Variants in KRT222 observed in about 807,000 individuals in gnomAD.
The protein encoded by KRT222 is keratin 222.
A neutral mutation model predicts 35.0 loss-of-function variants in KRT222; 23 were observed. The ratio of observed to expected loss-of-function variants is 0.66; its 90% CI spans 0.47 to 0.93. KRT222 has a LOEUF of 0.93. Among genes scored for constraint, KRT222 ranks in the 40% least tolerant of loss-of-function variants. The pLI, the probability that KRT222 is intolerant of heterozygous loss-of-function variation, is 0.00. For missense variants in KRT222, 339 were observed against 346.3 expected, an observed-to-expected ratio of 0.98 and a Z score of 0.17; for synonymous variants, 108 against 118.8, an observed-to-expected ratio of 0.91 and a Z score of 0.59.
chr17:40,656,226 A>G lies in KRT222; in HGVS notation c.*176T>C, dbSNP rs1006636749. On this transcript the variant is annotated 3_prime_UTR_variant, in exon 6 of 6. Coordinates refer to ENST00000394052, the MANE Select transcript of KRT222 (RefSeq NM_152349.3). ...TATATATATATATATGTCTATCTCC[A>G]TAATTAGATTCAGAGAAATGTCCTT... The G allele has an allele frequency of 7.1e-6, 4 of 561,458 alleles. No individual in the cohort carries two copies. Among genetic ancestry groups the G allele is most frequent in the African/African-American group, 1.9e-5 (1 of 53,456 alleles). The allele number at this position is 561,458 out of a possible 1,614,324, so 34.8% of individuals were successfully genotyped here. A position where few individuals can be genotyped will look rare whatever the true frequency, so the allele number is the denominator to read the frequency against.
Position 40,656,452 on chromosome 17 carries a change from T to G in KRT222, c.838A>C (p.Arg280=). The G allele has an allele frequency of 6.2e-7, 1 of 1,613,906 alleles. No individual in the cohort carries two copies. Among genetic ancestry groups the G allele is most frequent in the Non-Finnish European group, 8.5e-7 (1 of 1,179,852 alleles). The change falls in exon 6 of 6, where the codon AGA becomes CGA. Residue 280 remains arginine (R), a synonymous_variant. Transcript: ENST00000394052. ...LPDIEVRLIM[R]RSCSIPSIKP... is the part of the protein sequence containing the mutation. ...ATAGAGGGAATACTGCATGATCTTC[T>G]CATGATAAGCCTGACTTCTATATCT...
chr17:40,654,700 T>G lies in KRT222; in HGVS notation c.*1702A>C, dbSNP rs2037333091. Reference sequence around the variant, plus strand: ...TATATTGCTTTATTATGATCACTGTTGCTTAGTACAGTAACTTTAGTACAA... The same window carrying G: ...TATATTGCTTTATTATGATCACTGTGGCTTAGTACAGTAACTTTAGTACAA... On this transcript the variant is annotated 3_prime_UTR_variant, in exon 6 of 6. Coordinates refer to ENST00000394052, the MANE Select transcript of KRT222 (RefSeq NM_152349.3). 6.6e-6 allele frequency: 1 copy of G among 152,178 alleles called. No homozygotes were observed. The highest frequency in any genetic ancestry group is 6.5e-5 in the Admixed American group (1 of 15,274). The allele number at this position is 152,178 out of a possible 1,614,324, so 9.4% of individuals were successfully genotyped here.
intron 1 of KRT222, among the ~76,000 whole-genome samples, chr17:40,664,362 A>T (rs761366380): frequency 3.9e-5 from 6 of 152,178 alleles, no homozygotes; most frequent in Non-Finnish European, 5.9e-5. Flanking sequence ...TAAATATTAC[A>T]AGCTTTGTAA....
At chr17:40,659,340 T>A (rs1172890962) in intron 3 of KRT222, among the ~76,000 whole-genome samples, 1 of 151,618 alleles carries the variant, frequency 6.6e-6, no homozygotes, top group African/African-American at 2.4e-5. Context: ...ATTATTATTA[T>A]TGTTTTTTTC....
chr17:40,659,657 G>A (rs2037369096), intron 3 of KRT222, among the ~76,000 whole-genome samples: 1 of 151,718 alleles, frequency 6.6e-6, no homozygotes, highest in African/African-American at 2.4e-5. Context: ...CTCCTGAGCT[G>A]TAGTAATCCT....
At chr17:40,664,771 T>G (rs2037409738) in intron 1 of KRT222, among the ~76,000 whole-genome samples, 1 of 152,220 alleles carries the variant, frequency 6.6e-6, no homozygotes, top group African/African-American at 2.4e-5. Flanking sequence ...AACCTCACAA[T>G]TTATATAAAA....
In KRT222 at chr17:40,660,072, C is replaced by T; in HGVS notation, c.361G>A (p.Glu121Lys). The T allele has an allele frequency of 1.2e-6, 2 of 1,614,168 alleles. No individual in the cohort carries two copies. The highest frequency in any genetic ancestry group is 8.5e-7 in the Non-Finnish European group (1 of 1,180,044). ...VRRGIEKQLQ[E>K]HEMLLNTKMR... ...TTCGTGTTGAGAAGCATCTCGTGCT[C>T]TTGAAGCTGCTTTTCGATGCCGCGC... Residue 121 changes from glutamate (E) to lysine (K), a missense_variant, in exon 3 of 6, where the codon GAG (glutamate) becomes AAG (lysine). By Grantham distance (56) the Glu-to-Lys change is moderately conservative (BLOSUM62 1). Coordinates refer to ENST00000394052, the MANE Select transcript of KRT222 (RefSeq NM_152349.3).
Position 40,656,156 on chromosome 17 carries a change from G to A in KRT222, c.*246C>T. 1 of 364,254 alleles carries A rather than the reference G, an allele frequency of 2.7e-6. No homozygotes were observed. The highest frequency in any genetic ancestry group is 7.7e-5 in the South Asian group (1 of 13,004). The allele number at this position is 364,254 out of a possible 1,614,324, so 22.6% of individuals were successfully genotyped here. On this transcript the variant is annotated 3_prime_UTR_variant, in exon 6 of 6. Coordinates refer to ENST00000394052, the MANE Select transcript of KRT222 (RefSeq NM_152349.3). ...TTGGGAGAATATAAAGAAAGAGACT[G>A]TACTGGATTTGTGATTTTATTTTTA...
At chr17:40,664,966 C>CT in intron 1 of KRT222, 38 bp downstream of exon 1, 1 of 1,613,272 alleles carries the variant, frequency 6.2e-7, no homozygotes, top group Non-Finnish European at 8.5e-7. Context: ...GGACTGTCTC[C>CT]TTATTCTGGA....
chr17:40,662,088 GA>G (rs749744358), intron 1 of KRT222, 44 bp from the exon 2 acceptor site: 6 of 1,596,202 alleles, frequency 3.8e-6, no homozygotes, highest in Non-Finnish European at 5.1e-6. Context: ...AAAAAACAAG[GA>G]GTGCTTCTGA....
intron 1 of KRT222, among the ~76,000 whole-genome samples, chr17:40,664,167 G>A (rs2037405179): frequency 6.6e-6 from 1 of 151,956 alleles, no homozygotes; most frequent in Non-Finnish European, 1.5e-5. Flanking sequence ...ACCCATATAT[G>A]ATAGGTAAAC....
At chr17:40,656,700 TCA>T in intron 5 of KRT222, 70 bp from the exon 6 acceptor site, 1 of 783,552 alleles carries the variant, frequency 1.3e-6, no homozygotes, top group Non-Finnish European at 2.0e-6. Context: ...ATTATATATT[TCA>T]TATCTATGGA....
chr17:40,659,273 A>G (rs1398182597), intron 3 of KRT222, among the ~76,000 whole-genome samples: 1 of 151,058 alleles, frequency 6.6e-6, no homozygotes, highest in Non-Finnish European at 1.5e-5. Flanking sequence ...CTCCTGTCTC[A>G]GCCTCCCGAG....
At chr17:40,662,250 T>G (rs773174414) in intron 1 of KRT222, among the ~76,000 whole-genome samples, 9 of 152,230 alleles carry the variant, frequency 5.9e-5, no homozygotes, top group Non-Finnish European at 1.0e-4. Flanking sequence ...TCTCCTATGT[T>G]AAATGATTTC....
chr17:40,657,386 C>T lies in KRT222; in HGVS notation c.625G>A (p.Val209Ile), dbSNP rs150536527. 2.8e-4 allele frequency: 452 copies of T among 1,610,126 alleles called. 1 individual carries two copies. Among genetic ancestry groups the T allele is most frequent in the Admixed American group, 1.2e-3 (70 of 59,808 alleles). Reference protein sequence around the residue: ...TKQAILNGSIVKESTEAHGTI... With the variant: ...TKQAILNGSIIKESTEAHGTI... ...CCATGAGCTTCAGTGCTCTCCTTAA[C>T]GATACTCCCATTTAAGATTGCCTGT... Residue 209 changes from valine to isoleucine, a missense_variant, in exon 5 of 6, where the codon GTT becomes ATT. Transcript: ENST00000394052.
intron 3 of KRT222, among the ~76,000 whole-genome samples, chr17:40,659,062 G>A (rs6503546): frequency 0.47 from 71,438 of 151,712 alleles, 17,414 homozygotes; most frequent in Non-Finnish European, 0.56. Flanking sequence ...CCAGGCTTTT[G>A]TTATGGGTGA....
chr17:40,657,478 T>C lies in KRT222; in HGVS notation c.533A>G (p.Asn178Ser). 1 of 1,593,882 alleles carries C rather than the reference T, an allele frequency of 6.3e-7. No homozygotes were observed. The highest frequency in any genetic ancestry group is 1.1e-5 in the South Asian group (1 of 89,410). ...GACTTTTGTAGTAAAAGATATTTCA[T>C]TTATAATGGCTGTGAAAATATCATT... ...VGFVLPSAII[N>S]EISFTTKVPQ... is the part of the protein sequence containing the mutation. The change falls in exon 5 of 6, where the codon AAT becomes AGT. Residue 178 changes from asparagine to serine, a missense_variant. Transcript: ENST00000394052.
rs778191472 is a variant in KRT222, at chr17:40,660,049, C to T, written c.384G>A (p.Thr128=). 1.6e-5 allele frequency: 26 copies of T among 1,614,052 alleles called. No homozygotes were observed. Among genetic ancestry groups the T allele is most frequent in the South Asian group, 1.5e-4 (14 of 91,082 alleles). Residue 128 remains threonine (T), a synonymous_variant, in exon 3 of 6, where the codon ACG becomes ACA. Coordinates refer to ENST00000394052, the MANE Select transcript of KRT222 (RefSeq NM_152349.3). The part of the protein sequence containing the change: ...QLQEHEMLLN[T]KMRLEQEIAT... ...CTATTTCTTGTTCCAGCCTCATCTT[C>T]GTGTTGAGAAGCATCTCGTGCTCTT...
chr17:40,662,809 A>G (rs1213560377), intron 1 of KRT222, among the ~76,000 whole-genome samples: 2 of 152,212 alleles, frequency 1.3e-5, no homozygotes, highest in Non-Finnish European at 2.9e-5. Context: ...CTGTTGACAG[A>G]ATTTTTAACA....
Sources: allele counts gnomAD v4.1 joint callset (sites outside exome capture counted in the v4.1 genomes callset), GRCh38; gene constraint gnomAD v4.1.1; transcripts MANE v1.5; gene names NCBI Gene and HGNC (gene_info 2026-07-23, HGNC 2026-07-21).